The following SYNPR variants were observed in gnomAD, a reference collection of about 807,000 sequenced individuals.
SYNPR encodes synaptoporin.
Under a neutral mutation model 32.9 loss-of-function variants are expected in SYNPR, and 23 were observed. That is an observed-to-expected ratio of 0.70 (90% CI 0.50 to 0.99). The LOEUF is 0.99. Among genes scored for constraint, SYNPR ranks in the 50% least tolerant of loss-of-function variants. SYNPR has a pLI of 0.00. For missense variants in SYNPR, 318 were observed against 349.3 expected (o/e 0.91, Z 0.71); for synonymous variants, 146 against 135.9 (o/e 1.07, Z -0.52).
intron 4 of SYNPR, among the ~76,000 whole-genome samples, chr3:63,604,055 C>T (rs996975868): frequency 1.3e-5 from 2 of 152,114 alleles, no homozygotes; most frequent in African/African-American, 4.8e-5. Context: ...AGGGATTCAT[C>T]TTCCTCCTGG....
the SYNPR span, among the ~76,000 whole-genome samples, chr3:63,208,735 A>ACTGTAAGC: frequency 6.6e-6 from 1 of 152,170 alleles, no homozygotes. Flanking sequence ...TGTTGCAGAG[A>ACTGTAAGC]CTGTAAGCTC....
chr3:63,358,847 C>G (rs1246347486), intron 2 of SYNPR, among the ~76,000 whole-genome samples: 1 of 152,180 alleles, frequency 6.6e-6, no homozygotes, highest in Admixed American at 6.5e-5. Flanking sequence ...CTCTCCTGAA[C>G]TGGCATAGCT....
chr3:63,301,977 A>C (rs543287386), intron 2 of SYNPR, among the ~76,000 whole-genome samples: 1 of 152,188 alleles, frequency 6.6e-6, no homozygotes, highest in Admixed American at 6.6e-5. Flanking sequence ...CAATTCCATT[A>C]CCTAAAACTA....
At chr3:63,550,599 A>G (rs1041862103) in intron 3 of SYNPR, among the ~76,000 whole-genome samples, 1 of 152,124 alleles carries the variant, frequency 6.6e-6, no homozygotes, top group Non-Finnish European at 1.5e-5. Flanking sequence ...TTTTAAAAAT[A>G]TTTTATTCTC....
the SYNPR span, among the ~76,000 whole-genome samples, chr3:63,210,176 G>A: frequency 6.6e-6 from 1 of 152,188 alleles, no homozygotes; most frequent in Non-Finnish European, 1.5e-5. Flanking sequence ...ATTCATTAAT[G>A]AGAATAATTC....
At chr3:63,522,604 AT>A (rs1701936966) in intron 3 of SYNPR, among the ~76,000 whole-genome samples, 1 of 152,174 alleles carries the variant, frequency 6.6e-6, no homozygotes, top group Admixed American at 6.5e-5. Context: ...GACTTCAGTT[AT>A]TTTTGTTTAG....
At chr3:63,314,461 G>T (rs1266822405) in intron 2 of SYNPR, among the ~76,000 whole-genome samples, 1 of 151,810 alleles carries the variant, frequency 6.6e-6, no homozygotes, top group Non-Finnish European at 1.5e-5. Flanking sequence ...GCATTTCCCT[G>T]ATCATTAGTG....
At chr3:63,525,367 C>T (rs1701992803) in intron 3 of SYNPR, among the ~76,000 whole-genome samples, 2 of 152,042 alleles carry the variant, frequency 1.3e-5, no homozygotes, top group Admixed American at 1.3e-4. Flanking sequence ...TGAATTAAGC[C>T]CCAAATCTCT....
intron 2 of SYNPR, among the ~76,000 whole-genome samples, chr3:63,282,458 A>G (rs1419438613): frequency 6.6e-6 from 1 of 152,210 alleles, no homozygotes; most frequent in Admixed American, 6.5e-5. Flanking sequence ...CAAAAAGAAT[A>G]GGAATACATT....
chr3:63,377,730 C>T (rs1269866062), intron 2 of SYNPR, among the ~76,000 whole-genome samples: 1 of 151,918 alleles, frequency 6.6e-6, no homozygotes, highest in Non-Finnish European at 1.5e-5. Flanking sequence ...TTTAGCAGAG[C>T]ACTGTAGAGT....
intron 2 of SYNPR, among the ~76,000 whole-genome samples, chr3:63,306,547 AC>A (rs974343485): frequency 1.3e-4 from 19 of 149,558 alleles, no homozygotes; most frequent in African/African-American, 3.4e-4. Flanking sequence ...AAAAAAAAAA[AC>A]AATATAAAAT....
chr3:63,371,144 G>C (rs2087807310), intron 2 of SYNPR, among the ~76,000 whole-genome samples: 1 of 151,988 alleles, frequency 6.6e-6, no homozygotes, highest in Non-Finnish European at 1.5e-5. Context: ...CCATACCTCG[G>C]AAAAATGATG....
At chr3:63,423,040 T>C (rs1006728548) in intron 2 of SYNPR, among the ~76,000 whole-genome samples, 7 of 152,236 alleles carry the variant, frequency 4.6e-5, no homozygotes, top group African/African-American at 1.4e-4. Context: ...GCAGATCGAT[T>C]GTTCATTATG....
chr3:63,367,069 C>G (rs965308589), intron 2 of SYNPR, among the ~76,000 whole-genome samples: 1 of 152,100 alleles, frequency 6.6e-6, no homozygotes, highest in Admixed American at 6.5e-5. Flanking sequence ...TGTGGGCATA[C>G]CTGGAAATTC....
At chr3:63,347,875 TTGTGTGTGTG>T (rs10597535) in intron 2 of SYNPR, among the ~76,000 whole-genome samples, 8,489 of 144,424 alleles carry the variant, frequency 0.059, 604 homozygotes, top group African/African-American at 0.17. Context: ...TAGTATTCCA[TTGTGTGTGTG>T]TGTGTGTGTG....
intron 2 of SYNPR, among the ~76,000 whole-genome samples, chr3:63,328,584 A>T (rs1157507293): frequency 6.6e-6 from 1 of 152,188 alleles, no homozygotes; most frequent in East Asian, 1.9e-4. Flanking sequence ...GGTGACTAAG[A>T]ATAGTAGCCA....
intron 3 of SYNPR, among the ~76,000 whole-genome samples, chr3:63,548,645 G>A (rs750823728): frequency 2.0e-5 from 3 of 152,228 alleles, no homozygotes; most frequent in South Asian, 4.1e-4. Context: ...AGTTCCTGTC[G>A]ACTGGTAAAC....
At chr3:63,386,429 T>C (rs764005703) in intron 2 of SYNPR, among the ~76,000 whole-genome samples, 4 of 152,258 alleles carry the variant, frequency 2.6e-5, no homozygotes, top group Non-Finnish European at 5.9e-5. Context: ...TGAAAAGGTG[T>C]CTGCCTTCCT....
intron 3 of SYNPR, among the ~76,000 whole-genome samples, chr3:63,524,189 A>G (rs1575691291): frequency 6.6e-6 from 1 of 152,296 alleles, no homozygotes; most frequent in East Asian, 1.9e-4. Flanking sequence ...AAAGTAACCA[A>G]ATAGTAATAA....
Sources: allele counts gnomAD v4.1 joint callset (sites outside exome capture counted in the v4.1 genomes callset), GRCh38; gene constraint gnomAD v4.1.1; transcripts MANE v1.5; gene names NCBI Gene and HGNC (gene_info 2026-07-23, HGNC 2026-07-21).